Variants in FOXP1 observed in about 807,000 individuals in gnomAD.
The protein encoded by FOXP1 is forkhead box P1.
Under a neutral mutation model 98.2 loss-of-function variants are expected in FOXP1, and 15 were observed. The observed-to-expected ratio is 0.15, with a 90% CI of 0.10 to 0.24. The LOEUF (loss-of-function observed/expected upper bound fraction) is 0.24, where lower values mean the gene tolerates loss of function less well. FOXP1 is among the 10% of genes least tolerant of loss of function. The pLI, the probability that FOXP1 is intolerant of heterozygous loss-of-function variation, is 1.00. For synonymous variants in FOXP1, 371 were observed against 314.5 expected (o/e 1.18, Z -1.90); for missense variants, 633 against 848.5 (o/e 0.75, Z 3.15).
chr3:71,278,636 C>T (rs1156783547), intron 5 of FOXP1, among the ~76,000 whole-genome samples: 1 of 152,026 alleles, frequency 6.6e-6, no homozygotes, highest in Non-Finnish European at 1.5e-5. Context: ...CAAACATTAG[C>T]CAGGTATGGT....
intron 5 of FOXP1, among the ~76,000 whole-genome samples, chr3:71,286,241 T>G (rs987460732): frequency 6.6e-6 from 1 of 152,154 alleles, no homozygotes; most frequent in Non-Finnish European, 1.5e-5. Context: ...TGACTGTACT[T>G]CATTGATTGG....
chr3:71,311,544 T>C (rs1489976824), intron 4 of FOXP1, among the ~76,000 whole-genome samples: 1 of 152,194 alleles, frequency 6.6e-6, no homozygotes, highest in Non-Finnish European at 1.5e-5. Context: ...GTACGTAAAA[T>C]GGCTAGCATG....
At chr3:71,482,916 C>A (rs1026975803) in intron 3 of FOXP1, among the ~76,000 whole-genome samples, 3 of 151,766 alleles carry the variant, frequency 2.0e-5, no homozygotes, top group African/African-American at 4.8e-5. Flanking sequence ...CTCATGGCAA[C>A]CTCCACCTCC....
At chr3:71,167,383 T>C (rs895018135) in intron 6 of FOXP1, among the ~76,000 whole-genome samples, 44 of 152,212 alleles carry the variant, frequency 2.9e-4, no homozygotes, top group African/African-American at 9.4e-4. Context: ...TACATTAGTA[T>C]AACATTGCAG....
intron 5 of FOXP1, among the ~76,000 whole-genome samples, chr3:71,221,569 T>C (rs1018363654): frequency 1.3e-5 from 2 of 152,206 alleles, no homozygotes; most frequent in African/African-American, 4.8e-5. Flanking sequence ...CTCTGAAACC[T>C]GTGTCTTCCA....
chr3:71,198,083 G>C (rs1202185196), intron 6 of FOXP1, 119 bp downstream of exon 6: 1 of 1,614,090 alleles, frequency 6.2e-7, no homozygotes, highest in South Asian at 1.1e-5. Context: ...CAGACAGAAA[G>C]ACAGATGGAC....
chr3:71,274,290 C>T (rs1382255683), intron 5 of FOXP1, among the ~76,000 whole-genome samples: 1 of 152,136 alleles, frequency 6.6e-6, no homozygotes, highest in Non-Finnish European at 1.5e-5. Flanking sequence ...AGGCAACCCT[C>T]AAGATTGGCC....
chr3:71,371,594 T>G (rs2079317166), intron 3 of FOXP1, among the ~76,000 whole-genome samples: 2 of 152,150 alleles, frequency 1.3e-5, no homozygotes, highest in Admixed American at 1.3e-4. Context: ...GTGACCAGCC[T>G]GGGCAACACG....
intron 6 of FOXP1, among the ~76,000 whole-genome samples, chr3:71,137,839 G>C (rs1297786131): frequency 6.6e-6 from 1 of 150,676 alleles, no homozygotes; most frequent in Non-Finnish European, 1.5e-5. Flanking sequence ...TTCAATAAAG[G>C]TAAAGTTCTA....
At chr3:71,522,006 C>T (rs2043029330) in intron 2 of FOXP1, among the ~76,000 whole-genome samples, 1 of 150,368 alleles carries the variant, frequency 6.7e-6, no homozygotes, top group African/African-American at 2.4e-5. Flanking sequence ...AGCAACAGAA[C>T]ATCTGAACAG....
At chr3:71,444,874 G>C (rs1332569409) in intron 3 of FOXP1, among the ~76,000 whole-genome samples, 2 of 152,154 alleles carry the variant, frequency 1.3e-5, no homozygotes, top group East Asian at 3.9e-4. Context: ...CAAGGGATTG[G>C]GGGGAGTGGG....
At chr3:71,094,840 G>A (rs964034244) in intron 7 of FOXP1, among the ~76,000 whole-genome samples, 7 of 152,152 alleles carry the variant, frequency 4.6e-5, no homozygotes, top group Admixed American at 4.6e-4. Context: ...CTCCAGCTGT[G>A]GTCACCATCA....
At chr3:71,549,860 T>TAAA (rs55826932) in intron 2 of FOXP1, among the ~76,000 whole-genome samples, 14 of 59,938 alleles carry the variant, frequency 2.3e-4, no homozygotes, top group African/African-American at 3.5e-4. Flanking sequence ...ATGCTGGGAG[T>TAAA]AAAAAAAAAA....
At chr3:71,358,396 A>C (rs999467233) in intron 4 of FOXP1, among the ~76,000 whole-genome samples, 3 of 152,166 alleles carry the variant, frequency 2.0e-5, no homozygotes, top group Non-Finnish European at 4.4e-5. Context: ...CCCCACACTC[A>C]TTTCGCTCAT....
chr3:71,044,065 T>A (rs1317858553), intron 10 of FOXP1, among the ~76,000 whole-genome samples: 1 of 152,206 alleles, frequency 6.6e-6, no homozygotes, highest in Non-Finnish European at 1.5e-5. Flanking sequence ...CTTTCCTCCA[T>A]CAATGCCATA....
At chr3:71,463,226 T>G (rs1472492736) in intron 3 of FOXP1, among the ~76,000 whole-genome samples, 1 of 151,932 alleles carries the variant, frequency 6.6e-6, no homozygotes, top group Non-Finnish European at 1.5e-5. Context: ...TAGCTGGGCA[T>G]GGTGGCATAG....
chr3:71,309,739 A>G (rs2074550601), intron 4 of FOXP1, among the ~76,000 whole-genome samples: 1 of 152,086 alleles, frequency 6.6e-6, no homozygotes, highest in African/African-American at 2.4e-5. Flanking sequence ...CCCCACTTCA[A>G]TGATTTTGTT....
chr3:71,513,806 C>A (rs1333581612), intron 2 of FOXP1, among the ~76,000 whole-genome samples: 1 of 152,150 alleles, frequency 6.6e-6, no homozygotes, highest in African/African-American at 2.4e-5. Flanking sequence ...CCTGCTGCAA[C>A]CATAAGACCG....
intron 6 of FOXP1, among the ~76,000 whole-genome samples, chr3:71,137,255 C>T (rs1238319941): frequency 6.6e-6 from 1 of 152,200 alleles, no homozygotes; most frequent in Non-Finnish European, 1.5e-5. Flanking sequence ...CAATCTCTGG[C>T]TTTCAAACTG....
Sources: gnomAD v4.1 joint callset for allele counts (sites outside exome capture counted in the v4.1 genomes callset) on GRCh38, gnomAD v4.1.1 for gene constraint, MANE v1.5 for transcripts, NCBI Gene and HGNC (gene_info 2026-07-23, HGNC 2026-07-21) for gene names.